Variants in ATP9A observed in about 807,000 individuals in gnomAD.
ATP9A encodes the protein ATPase phospholipid transporting 9A, also known as probable phospholipid-transporting ATPase IIA.
Under a neutral mutation model 144.1 loss-of-function variants are expected in ATP9A, and 52 were observed. That is an observed-to-expected ratio of 0.36 (90% confidence interval 0.29 to 0.45). The LOEUF is 0.45. Among genes scored for constraint, ATP9A ranks in the 20% least tolerant of loss-of-function variants. The probability of loss-of-function intolerance (pLI) is 1.00; values close to 1 mark genes in which losing one functional copy is unlikely to be tolerated. For missense variants in ATP9A, 947 were observed against 1,392.7 expected, an observed-to-expected ratio of 0.68 and a Z score of 5.09; for synonymous variants, 582 against 557.4, an observed-to-expected ratio of 1.04 and a Z score of -0.62.
Position 51,653,607 on chromosome 20 carries a change from G to C in ATP9A, c.1506+3331C>G, listed in dbSNP as rs144279264. Reference sequence around the variant, plus strand: ...TTGAGACCAGCCTGGCTAACATGGGGAAAACCCTGTCTCTACTAAAAATAC... The same window carrying C: ...TTGAGACCAGCCTGGCTAACATGGGCAAAACCCTGTCTCTACTAAAAATAC... On this transcript the variant is annotated intron_variant, in intron 14 of 27. Transcript: ENST00000338821. Among the ~76,000 whole-genome samples the C allele has an allele frequency of 4.0e-3, 607 of 152,136 alleles. 6 individuals are homozygous for C. Among genetic ancestry groups the C allele is most frequent in the African/African-American group, 0.014 (578 of 41,510 alleles).
At chr20:51,620,234 C>G (rs2077221195) in intron 19 of ATP9A, among the ~76,000 whole-genome samples, 1 of 152,182 alleles carries the variant, frequency 6.6e-6, no homozygotes, top group South Asian at 2.1e-4. Flanking sequence ...ACGAGCCGGT[C>G]TGTCTACACT....
At chr20:51,761,562 C>T (rs1003629826) in intron 1 of ATP9A, among the ~76,000 whole-genome samples, 1 of 152,050 alleles carries the variant, frequency 6.6e-6, no homozygotes, top group Non-Finnish European at 1.5e-5. Context: ...GAGATCCAGA[C>T]CATCCTGGCT....
At chr20:51,762,705 C>CTTTTTTTTTTTT (rs34209501) in intron 1 of ATP9A, among the ~76,000 whole-genome samples, 1 of 84,530 alleles carries the variant, frequency 1.2e-5, no homozygotes, top group Admixed American at 1.6e-4. Flanking sequence ...CCACAAATGG[C>CTTTTTTTTTTTT]TTTTTTTTTT....
At chr20:51,693,907 CT>C in intron 7 of ATP9A, 100 bp downstream of exon 7, 1 of 1,055,904 alleles carries the variant, frequency 9.5e-7, no homozygotes, top group Non-Finnish European at 1.4e-6. Flanking sequence ...ACTGGCCCCA[CT>C]TCACAAGTTG....
At chr20:51,624,596 T>G (rs1225513977) in intron 18 of ATP9A, among the ~76,000 whole-genome samples, 1 of 152,086 alleles carries the variant, frequency 6.6e-6, no homozygotes, top group Non-Finnish European at 1.5e-5. Context: ...CAACTAGAAT[T>G]TAATCAGCAG....
chr20:51,734,675 A>T (rs1202294287), intron 1 of ATP9A: 1 of 155,652 alleles, frequency 6.4e-6, no homozygotes, highest in Non-Finnish European at 1.4e-5. Flanking sequence ...AAAGGAAGAA[A>T]TCCCAGTCAC....
intron 4 of ATP9A, among the ~76,000 whole-genome samples, chr20:51,709,513 GA>G (rs1231255454): frequency 2.6e-5 from 4 of 151,654 alleles, no homozygotes; most frequent in Non-Finnish European, 2.9e-5. Flanking sequence ...CGGTGGGGAA[GA>G]AAAAAAGCAA....
intron 12 of ATP9A, among the ~76,000 whole-genome samples, 177 bp from the exon 13 acceptor site, chr20:51,670,286 T>C (rs1313546315): frequency 6.6e-6 from 1 of 152,212 alleles, no homozygotes; most frequent in African/African-American, 2.4e-5. Flanking sequence ...CATTCCCCTT[T>C]TGAAAATGGC....
chr20:51,710,005 T>A (rs1265885717), intron 4 of ATP9A, among the ~76,000 whole-genome samples: 2 of 152,218 alleles, frequency 1.3e-5, no homozygotes, highest in East Asian at 3.9e-4. Context: ...AAGAACATTT[T>A]AAGACCTCAT....
intron 13 of ATP9A, among the ~76,000 whole-genome samples, chr20:51,665,254 T>A (rs1194786732): frequency 6.9e-6 from 1 of 145,142 alleles, no homozygotes; most frequent in Non-Finnish European, 1.5e-5. Context: ...AGCAGGGGGG[T>A]TTGGGAACTC....
intron 24 of ATP9A, 117 bp downstream of exon 24, chr20:51,609,969 CCTGCATTCGCTGGGG>C: frequency 1.4e-6 from 1 of 730,820 alleles, no homozygotes; most frequent in Admixed American, 2.4e-5. Flanking sequence ...TGGTGCTGGG[CCTGCATTCGCTGGGG>C]CTGGGAATCC....
In ATP9A at chr20:51,702,702, G is replaced by A. The variant is rs1297448732; in HGVS notation, c.437-5220C>T. Among the ~76,000 whole-genome samples the A allele has an allele frequency of 7.2e-5, 11 of 152,028 alleles. No individual in the cohort carries two copies. In the South Asian group the frequency reaches 2.3e-3, roughly 32 times the overall value. ...AGAATGAAAAAATCGGTAAGGGTGT[G>A]GAAAGGGCCCAAAACACATGATTTC... is the stretch of plus-strand genomic sequence containing the variant. On this transcript the variant is annotated intron_variant, in intron 4 of 27. Transcript: ENST00000338821.
At chr20:51,683,145 A>G (rs980842043) in intron 9 of ATP9A, among the ~76,000 whole-genome samples, 1 of 152,140 alleles carries the variant, frequency 6.6e-6, no homozygotes, top group Non-Finnish European at 1.5e-5. Context: ...ACTGGAGTAC[A>G]CTGGTGATCA....
chr20:51,657,631 A>C (rs768045921), intron 13 of ATP9A, among the ~76,000 whole-genome samples: 1 of 152,222 alleles, frequency 6.6e-6, no homozygotes, highest in Non-Finnish European at 1.5e-5. Context: ...TATGTCACCA[A>C]ATGTCCAATA....
chr20:51,717,916 T>G (rs1350668589), intron 3 of ATP9A, among the ~76,000 whole-genome samples: 1 of 150,640 alleles, frequency 6.6e-6, no homozygotes, highest in Non-Finnish European at 1.5e-5. Context: ...ATCACGCCAT[T>G]GCACTCCAGC....
intron 13 of ATP9A, among the ~76,000 whole-genome samples, chr20:51,660,518 G>T (rs117016822): frequency 7.7e-4 from 118 of 152,326 alleles, no homozygotes; most frequent in Non-Finnish European, 1.0e-3. Context: ...AACATCACAG[G>T]CCACAGGTTC....
intron 17 of ATP9A, among the ~76,000 whole-genome samples, chr20:51,625,740 G>A (rs530585855): frequency 1.2e-4 from 19 of 152,348 alleles, no homozygotes; most frequent in Admixed American, 6.5e-4. Flanking sequence ...CATGCACTTT[G>A]TAAGCCAAAC....
chr20:51,757,779 GT>G (rs2122914697), intron 1 of ATP9A, among the ~76,000 whole-genome samples: 1 of 152,020 alleles, frequency 6.6e-6, no homozygotes, highest in East Asian at 1.9e-4. Context: ...GGTGGTGCAT[GT>G]TTGTAATCCC....
At chr20:51,753,606 A>T (rs1568848340) in intron 1 of ATP9A, among the ~76,000 whole-genome samples, 1 of 152,084 alleles carries the variant, frequency 6.6e-6, no homozygotes, top group Non-Finnish European at 1.5e-5. Context: ...AAGGAAAAAT[A>T]ACATAATACC....
Sources: allele counts gnomAD v4.1 joint callset (sites outside exome capture counted in the v4.1 genomes callset), GRCh38; gene constraint gnomAD v4.1.1; transcripts MANE v1.5; gene names NCBI Gene and HGNC (gene_info 2026-07-23, HGNC 2026-07-21).